Variants in CSMD3 observed in about 807,000 individuals in gnomAD.
The protein encoded by CSMD3 is CUB and sushi domain-containing protein 3.
Under a neutral mutation model 435.2 loss-of-function variants are expected in CSMD3, and 177 were observed. The ratio of observed to expected loss-of-function variants is 0.41; its 90% CI spans 0.36 to 0.46. The LOEUF (loss-of-function observed/expected upper bound fraction) is 0.46. Among genes scored for constraint, CSMD3 ranks in the 20% least tolerant of loss-of-function variants. The probability of loss-of-function intolerance (pLI) is 0.34; values close to 1 mark genes in which losing one functional copy is unlikely to be tolerated. For synonymous variants in CSMD3, 1,656 were observed against 1,520.5 expected (o/e 1.09, Z -2.07); for missense variants, 4,265 against 4,504.6 (o/e 0.95, Z 1.52).
At chr8:113,052,734 T>C (rs1023862114) in intron 5 of CSMD3, among the ~76,000 whole-genome samples, 1 of 152,174 alleles carries the variant, frequency 6.6e-6, no homozygotes, top group Admixed American at 6.5e-5. Context: ...GCTGTTATCA[T>C]ACTACTGCAC....
At chr8:112,678,568 C>T (rs1483552241) in intron 16 of CSMD3, among the ~76,000 whole-genome samples, 1 of 152,036 alleles carries the variant, frequency 6.6e-6, no homozygotes, top group Non-Finnish European at 1.5e-5. Context: ...AGTAATGATG[C>T]TAAGATCATT....
chr8:112,332,713 T>C (rs1049266933), intron 45 of CSMD3, among the ~76,000 whole-genome samples: 5 of 152,178 alleles, frequency 3.3e-5, no homozygotes, highest in African/African-American at 7.2e-5. Context: ...CATTAGGCTC[T>C]GGCAATTTTT....
At chr8:113,063,396 A>G (rs1193320855) in intron 5 of CSMD3, among the ~76,000 whole-genome samples, 2 of 151,974 alleles carry the variant, frequency 1.3e-5, no homozygotes, top group Non-Finnish European at 2.9e-5. Context: ...ATTGATTTAA[A>G]ACAGATACTA....
intron 27 of CSMD3, among the ~76,000 whole-genome samples, chr8:112,547,323 CA>C (rs2131170991): frequency 6.6e-6 from 1 of 151,600 alleles, no homozygotes; most frequent in East Asian, 1.9e-4. Context: ...TTTGGGGGCG[CA>C]AAGGCACCAT....
chr8:112,434,038 T>A (rs891140842), intron 32 of CSMD3, among the ~76,000 whole-genome samples: 7 of 152,114 alleles, frequency 4.6e-5, no homozygotes, highest in African/African-American at 4.8e-5. Flanking sequence ...ATATACTAAC[T>A]CCAGAACACA....
intron 1 of CSMD3, among the ~76,000 whole-genome samples, chr8:113,354,590 G>A (rs1173080839): frequency 6.6e-6 from 1 of 152,048 alleles, no homozygotes; most frequent in Non-Finnish European, 1.5e-5. Context: ...TGTCAAATGG[G>A]GATCCCCAAA....
chr8:113,041,538 G>A (rs1014374990), intron 5 of CSMD3, among the ~76,000 whole-genome samples: 1 of 151,968 alleles, frequency 6.6e-6, no homozygotes, highest in Non-Finnish European at 1.5e-5. Context: ...AGCCTTGGGA[G>A]GTTTTTGCTC....
chr8:112,507,289 T>C (rs1822634771), intron 28 of CSMD3, among the ~76,000 whole-genome samples: 1 of 152,170 alleles, frequency 6.6e-6, no homozygotes, highest in Non-Finnish European at 1.5e-5. Context: ...TTATTACAGT[T>C]TCAAACAAAG....
intron 13 of CSMD3, among the ~76,000 whole-genome samples, chr8:112,721,189 T>C (rs1288699102): frequency 1.3e-5 from 2 of 152,184 alleles, no homozygotes; most frequent in Admixed American, 6.5e-5. Flanking sequence ...ATATATATGC[T>C]GACAGCTTTG....
At chr8:113,411,312 A>G (rs2094558971) in intron 1 of CSMD3, among the ~76,000 whole-genome samples, 1 of 152,142 alleles carries the variant, frequency 6.6e-6, no homozygotes, top group Non-Finnish European at 1.5e-5. Context: ...ACTAAGGCCA[A>G]TGTAACTTTA....
chr8:112,249,923 GTGTGTACTCATCCT>G (rs1815116299), intron 63 of CSMD3, among the ~76,000 whole-genome samples: 1 of 151,898 alleles, frequency 6.6e-6, no homozygotes, highest in Non-Finnish European at 1.5e-5. Context: ...GCCGGAGACT[GTGTGTACTCATCCT>G]TGTGCACCTT....
intron 6 of CSMD3, among the ~76,000 whole-genome samples, chr8:113,017,706 A>G (rs1171226854): frequency 2.0e-5 from 3 of 152,144 alleles, no homozygotes; most frequent in Middle Eastern, 3.4e-3. Context: ...GCTTCACAAT[A>G]TCTTATTTTC....
At chr8:112,370,661 G>A (rs1158641850) in intron 38 of CSMD3, among the ~76,000 whole-genome samples, 1 of 152,012 alleles carries the variant, frequency 6.6e-6, no homozygotes, top group Non-Finnish European at 1.5e-5. Flanking sequence ...GTCTCCATAA[G>A]GTCTGCCCTG....
intron 70 of CSMD3, among the ~76,000 whole-genome samples, chr8:112,227,563 C>T (rs1812686009): frequency 6.6e-6 from 1 of 152,116 alleles, no homozygotes. Flanking sequence ...AGGTTTATAT[C>T]ATATCTATTT....
At chr8:112,868,219 G>A (rs2081038997) in intron 10 of CSMD3, among the ~76,000 whole-genome samples, 1 of 152,006 alleles carries the variant, frequency 6.6e-6, no homozygotes, top group African/African-American at 2.4e-5. Context: ...TACACATGGA[G>A]CTGTCATTTT....
At chr8:112,368,391 G>A (rs1827995027) in intron 38 of CSMD3, among the ~76,000 whole-genome samples, 1 of 152,152 alleles carries the variant, frequency 6.6e-6, no homozygotes, top group African/African-American at 2.4e-5. Flanking sequence ...TTCTGGGTTG[G>A]TAGCCTTGTC....
chr8:112,287,030 A>T (rs1337091213), intron 58 of CSMD3, 34 bp downstream of exon 58: 1 of 1,543,090 alleles, frequency 6.5e-7, no homozygotes, highest in Non-Finnish European at 9.0e-7. Context: ...AAAATCCAGT[A>T]GTTGCAATAT....
At chr8:112,453,049 G>A (rs1816461548) in intron 32 of CSMD3, among the ~76,000 whole-genome samples, 1 of 152,064 alleles carries the variant, frequency 6.6e-6, no homozygotes, top group Non-Finnish European at 1.5e-5. Context: ...CTGACTCTTG[G>A]TAAAAAGGCA....
At chr8:112,458,106 AT>A (rs1817023477) in intron 32 of CSMD3, among the ~76,000 whole-genome samples, 2 of 152,122 alleles carry the variant, frequency 1.3e-5, no homozygotes, top group African/African-American at 4.8e-5. Context: ...TAATAAAAAA[AT>A]ACAACCTTTG....
Sources: gnomAD v4.1 joint callset for allele counts (sites outside exome capture counted in the v4.1 genomes callset) on GRCh38, gnomAD v4.1.1 for gene constraint, MANE v1.5 for transcripts, NCBI Gene and HGNC (gene_info 2026-07-23, HGNC 2026-07-21) for gene names.